The following PCDH11X variants were observed in gnomAD, a reference collection of about 807,000 sequenced individuals.
PCDH11X encodes the protein protocadherin 11 X-linked.
A neutral mutation model predicts 53.3 loss-of-function variants in PCDH11X; 18 were observed. That is an observed-to-expected ratio of 0.34 (90% CI 0.23 to 0.50). PCDH11X has a LOEUF of 0.50. Among genes scored for constraint, PCDH11X ranks in the 20% least tolerant of loss-of-function variants. PCDH11X has a pLI of 0.98. For synonymous variants in PCDH11X, 279 were observed against 393.3 expected, an observed-to-expected ratio of 0.71 and a Z score of 3.44; for missense variants, 570 against 1,032.4, an observed-to-expected ratio of 0.55 and a Z score of 6.14.
At chrX:92,567,264 G>A (rs1921588302) in intron 10 of PCDH11X, among the ~76,000 whole-genome samples, 2 of 99,555 alleles carry the variant, frequency 2.0e-5, no homozygotes, top group African/African-American at 3.7e-5. Context: ...CATGAGCAAG[G>A]GATGTTTTTT....
chrX:92,200,658 A>G (rs755401276), intron 6 of PCDH11X, among the ~76,000 whole-genome samples: 47 of 111,682 alleles, frequency 4.2e-4, no homozygotes, highest in Non-Finnish European at 8.1e-4. Context: ...CAATGCACTT[A>G]GCACTTATCA....
intron 6 of PCDH11X, among the ~76,000 whole-genome samples, chrX:92,171,085 G>T (rs2065818034): frequency 9.6e-6 from 1 of 104,346 alleles, no homozygotes; most frequent in African/African-American, 3.4e-5. Flanking sequence ...GATTATCAGT[G>T]CAAGCCGCTG....
chrX:92,196,857 G>A (rs1234369499), intron 6 of PCDH11X, among the ~76,000 whole-genome samples: 2 of 110,566 alleles, frequency 1.8e-5, no homozygotes, highest in African/African-American at 6.6e-5. Context: ...AGAGAGGGGT[G>A]GAGAGAGATT....
chrX:92,596,704 C>T (rs890215569), intron 10 of PCDH11X, among the ~76,000 whole-genome samples: 7 of 108,106 alleles, frequency 6.5e-5, no homozygotes, highest in Non-Finnish European at 1.3e-4. Context: ...CAAACTCATT[C>T]TACGAATCTA....
At chrX:92,052,328 T>C (rs2063380285) in intron 6 of PCDH11X, among the ~76,000 whole-genome samples, 1 of 98,789 alleles carries the variant, frequency 1.0e-5, no homozygotes, top group South Asian at 5.2e-4. Context: ...GTGAGTTTTG[T>C]GGGAATGGGA....
chrX:91,829,127 A>C (rs965275136), intron 4 of PCDH11X, among the ~76,000 whole-genome samples: 7 of 110,696 alleles, frequency 6.3e-5, no homozygotes, highest in Non-Finnish European at 1.3e-4. Flanking sequence ...GGAGGTGTGC[A>C]ATCAATAGTA....
In PCDH11X at chrX:92,114,393, G is replaced by A. The variant is rs895419906; in HGVS notation, c.3034-86982G>A. The A allele has an allele frequency of 3.4e-5, 37 of 1,083,575 alleles. 1 individual carries two copies. The Admixed American group carries it at 5.3e-4, about 15-fold the overall frequency. 89.3% of individuals were successfully genotyped at this position (1,083,575 alleles called of 1,213,427 possible). Reference sequence around the variant, plus strand: ...CAACAATCTCATTCCAGTTACTCTCGATGACGCCTTCGGGCTCCATCCCAT... The same window carrying A: ...CAACAATCTCATTCCAGTTACTCTCAATGACGCCTTCGGGCTCCATCCCAT... On this transcript the variant is annotated intron_variant, in intron 6 of 10. Transcript: ENST00000682573.
chrX:92,325,385 A>G (rs918187027), intron 8 of PCDH11X, among the ~76,000 whole-genome samples: 1 of 111,215 alleles, frequency 9.0e-6, no homozygotes, highest in African/African-American at 3.3e-5. Flanking sequence ...TTTTAAAAAG[A>G]AGTATTATAA....
At chrX:92,200,563 T>C (rs189579928) in intron 6 of PCDH11X, among the ~76,000 whole-genome samples, 3 of 112,635 alleles carry the variant, frequency 2.7e-5, no homozygotes, top group Non-Finnish European at 3.8e-5. Context: ...ATTGCTTCCT[T>C]ACATAAGTAA....
chrX:92,054,558 C>A (rs1214575021), intron 6 of PCDH11X, among the ~76,000 whole-genome samples: 2 of 111,351 alleles, frequency 1.8e-5, no homozygotes, highest in South Asian at 3.7e-4. Context: ...CGGTGGCTCA[C>A]GCCTGTAATC....
intron 6 of PCDH11X, among the ~76,000 whole-genome samples, chrX:92,028,974 C>T (rs1175375615): frequency 2.7e-5 from 3 of 109,498 alleles, no homozygotes; most frequent in Non-Finnish European, 5.7e-5. Context: ...GAGCAATGTA[C>T]ACACACTCTT....
intron 10 of PCDH11X, among the ~76,000 whole-genome samples, chrX:92,518,595 C>T (rs1473495702): frequency 9.0e-6 from 1 of 110,563 alleles, no homozygotes; most frequent in East Asian, 2.8e-4. Flanking sequence ...GTCCTCTTTC[C>T]TCAACCTTAC....
At chrX:92,571,471 G>A (rs1922205469) in intron 10 of PCDH11X, among the ~76,000 whole-genome samples, 2 of 109,576 alleles carry the variant, frequency 1.8e-5, no homozygotes, top group African/African-American at 6.6e-5. Flanking sequence ...GAAAAAATAT[G>A]AAGTTGATAT....
chrX:92,250,891 A>C (rs1488389984), intron 7 of PCDH11X, among the ~76,000 whole-genome samples: 1 of 109,585 alleles, frequency 9.1e-6, no homozygotes, highest in Non-Finnish European at 1.9e-5. Context: ...TTTCTTTTTG[A>C]GGTGATGAGA....
chrX:92,237,684 C>T (rs1370240986), intron 7 of PCDH11X, among the ~76,000 whole-genome samples: 1 of 111,146 alleles, frequency 9.0e-6, no homozygotes, highest in East Asian at 2.8e-4. Context: ...AACAAGTACC[C>T]CCTTATCTCT....
chrX:92,578,543 C>A (rs1264900621), intron 10 of PCDH11X, among the ~76,000 whole-genome samples: 1 of 106,472 alleles, frequency 9.4e-6, no homozygotes, highest in Non-Finnish European at 1.9e-5. Flanking sequence ...TTTAAATAAT[C>A]TTTTTTTCAG....
intron 6 of PCDH11X, among the ~76,000 whole-genome samples, chrX:92,077,868 C>A (rs2063799435): frequency 9.1e-6 from 1 of 109,444 alleles, no homozygotes; most frequent in African/African-American, 3.3e-5. Flanking sequence ...TTTGACCTCC[C>A]AAAACTTAAA....
chrX:91,970,546 C>A (rs2428610), intron 6 of PCDH11X, among the ~76,000 whole-genome samples: 13,710 of 110,441 alleles, frequency 0.12, 983 homozygotes, highest in African/African-American at 0.26. Flanking sequence ...CAATCTTTTA[C>A]CTAGACAGAA....
At chrX:92,556,505 A>G (rs1236160777) in intron 10 of PCDH11X, among the ~76,000 whole-genome samples, 1 of 111,600 alleles carries the variant, frequency 9.0e-6, no homozygotes, top group Non-Finnish European at 1.9e-5. Flanking sequence ...AGAAGTCAAT[A>G]AATCTTAACA....
Sources: gnomAD v4.1 joint callset for allele counts (sites outside exome capture counted in the v4.1 genomes callset) on GRCh38, gnomAD v4.1.1 for gene constraint, MANE v1.5 for transcripts, NCBI Gene and HGNC (gene_info 2026-07-23, HGNC 2026-07-21) for gene names.